DNAAF1: variants seen among roughly 807,000 people sequenced by gnomAD.
DNAAF1 encodes dynein axonemal assembly factor 1, also known as dynein assembly factor 1, axonemal.
In DNAAF1, 65 loss-of-function variants were observed where a neutral mutation model predicts 71.1. That is an observed-to-expected ratio of 0.91 (90% CI 0.75 to 1.12). DNAAF1 has a LOEUF of 1.12. Ranked by LOEUF, DNAAF1 falls within the 50% of genes most tolerant of loss-of-function variation. The pLI, the probability that DNAAF1 is intolerant of heterozygous loss-of-function variation, is 0.00. For missense variants in DNAAF1, 1,178 were observed against 899.8 expected (o/e 1.31, Z -3.96); for synonymous variants, 414 against 354.6 (o/e 1.17, Z -1.88).
chr16:84,171,327 C>A (rs1011748099), intron 8 of DNAAF1, among the ~76,000 whole-genome samples: 1 of 151,992 alleles, frequency 6.6e-6, no homozygotes, highest in Non-Finnish European at 1.5e-5. Context: ...TAGTGGTGAC[C>A]ACTTGTAGTC....
chr16:84,157,849 C>T (rs2087512762), intron 5 of DNAAF1, among the ~76,000 whole-genome samples: 1 of 152,138 alleles, frequency 6.6e-6, no homozygotes, highest in Non-Finnish European at 1.5e-5. Context: ...TATAATCCCC[C>T]CGTTTGTTCG....
chr16:84,172,603 A>G, intron 9 of DNAAF1: 3 of 1,361,862 alleles, frequency 2.2e-6, no homozygotes, highest in East Asian at 3.0e-5. Flanking sequence ...GTGCACATGC[A>G]TGCTCAAGTT....
intron 5 of DNAAF1, among the ~76,000 whole-genome samples, chr16:84,157,976 G>A (rs1277896844): frequency 2.0e-5 from 3 of 152,190 alleles, no homozygotes; most frequent in Non-Finnish European, 4.4e-5. Context: ...GGGAGGCCAA[G>A]GTGGGCAGAT....
chr16:84,151,373 G>A (rs1307755635), intron 3 of DNAAF1, among the ~76,000 whole-genome samples: 1 of 152,066 alleles, frequency 6.6e-6, no homozygotes, highest in Non-Finnish European at 1.5e-5. Flanking sequence ...ATGCCTTAAG[G>A]GGTTGGAACG....
intron 9 of DNAAF1, chr16:84,172,952 A>G: frequency 9.9e-7 from 1 of 1,007,036 alleles, no homozygotes; most frequent in South Asian, 4.2e-5. Context: ...ACAGTCTCAA[A>G]TGCTTAGGCC....
chr16:84,176,169 CCT>C lies in DNAAF1; in HGVS notation c.1936_1937del (p.Leu646AspfsTer46), dbSNP rs1375814883. On this transcript the variant is annotated frameshift_variant, in exon 11 of 12. Coordinates refer to ENST00000378553, the MANE Select transcript of DNAAF1 (RefSeq NM_178452.6). LOFTEE classifies it high-confidence loss of function. ...AACAAGACACCAAGTCCCCAAGACC[CCT>C]GATCCAGGAGCTCAGCGACGAGGAC... ...RKQDTKSPRP[L>X]IQELSDEDPS... is the part of the protein sequence containing the mutation. 2 of 1,614,116 alleles carry C rather than the reference CCT, an allele frequency of 1.2e-6. No individual in the cohort carries two copies. The highest frequency in any genetic ancestry group is 4.5e-5 in the East Asian group (2 of 44,882).
intron 10 of DNAAF1, 56 bp from the exon 11 acceptor site, chr16:84,175,877 A>C (rs2088623151): frequency 6.3e-7 from 1 of 1,596,696 alleles, no homozygotes; most frequent in East Asian, 2.2e-5. Context: ...GGTGCATTGT[A>C]GAGCGATTCT....
intron 5 of DNAAF1, among the ~76,000 whole-genome samples, chr16:84,158,453 C>T (rs2087545881): frequency 1.3e-5 from 2 of 152,152 alleles, no homozygotes. Flanking sequence ...CTCATTTCAA[C>T]TTCATCGTGG....
chr16:84,159,156 G>C, intron 5 of DNAAF1: 1 of 996,528 alleles, frequency 1.0e-6, no homozygotes, highest in African/African-American at 1.7e-5. Flanking sequence ...AAGTGACAGC[G>C]GGGAGAGCTG....
intron 11 of DNAAF1, 105 bp from the exon 12 acceptor site, chr16:84,177,624 C>A (rs538570219): frequency 2.2e-6 from 2 of 929,826 alleles, no homozygotes; most frequent in East Asian, 4.8e-5. Context: ...CCACCACGCC[C>A]AGTTGAGGAC....
chr16:84,166,691 A>G (rs2088024841), intron 7 of DNAAF1, among the ~76,000 whole-genome samples: 1 of 152,094 alleles, frequency 6.6e-6, no homozygotes, highest in Non-Finnish European at 1.5e-5. Flanking sequence ...TTTTAAAACC[A>G]TTTCCTCACA....
At chr16:84,152,326 A>AAG (rs1474728163) in intron 3 of DNAAF1, among the ~76,000 whole-genome samples, 4 of 152,316 alleles carry the variant, frequency 2.6e-5, no homozygotes, top group South Asian at 4.1e-4. Context: ...CAATGTAAGA[A>AAG]AGAGAGAGAG....
At chr16:84,159,055 G>A in intron 5 of DNAAF1, 2 of 988,262 alleles carry the variant, frequency 2.0e-6, no homozygotes, top group Middle Eastern at 1.0e-3. Context: ...ACTTCTTTGA[G>A]TTTCTTAAGG....
intron 11 of DNAAF1, chr16:84,176,639 C>A: frequency 2.5e-6 from 1 of 399,582 alleles, no homozygotes; most frequent in Non-Finnish European, 4.8e-6. Flanking sequence ...CCTCACCATC[C>A]CTGGCCTCAG....
intron 11 of DNAAF1, chr16:84,176,625 C>T (rs542529483): frequency 6.8e-5 from 29 of 424,510 alleles, no homozygotes; most frequent in South Asian, 1.3e-4. Context: ...CATTTCCACC[C>T]CCTCCTCACC....
chr16:84,166,061 T>TG (rs2087967702), intron 7 of DNAAF1, 112 bp downstream of exon 7: 1 of 1,021,234 alleles, frequency 9.8e-7, no homozygotes, highest in Non-Finnish European at 1.4e-6. Context: ...TTTTTTTTTT[T>TG]TTTAGACAGA....
chr16:84,172,186 C>A, intron 8 of DNAAF1, 74 bp from the exon 9 acceptor site: 1 of 1,427,262 alleles, frequency 7.0e-7, no homozygotes, highest in South Asian at 1.2e-5. Context: ...CCTTGGGAGC[C>A]CATCTTCACC....
chr16:84,159,564 T>C, intron 5 of DNAAF1, 111 bp from the exon 6 acceptor site: 2 of 1,448,822 alleles, frequency 1.4e-6, no homozygotes, highest in Non-Finnish European at 1.9e-6. Flanking sequence ...TTGGCACTTC[T>C]ATTTTGCTCA....
chr16:84,160,850 T>C (rs1181396076), intron 6 of DNAAF1, among the ~76,000 whole-genome samples: 3 of 147,196 alleles, frequency 2.0e-5, no homozygotes, highest in African/African-American at 7.6e-5. Flanking sequence ...AGGAGGAGAA[T>C]GGCATAAACC....
Sources: gnomAD v4.1 joint callset for allele counts (sites outside exome capture counted in the v4.1 genomes callset) on GRCh38, gnomAD v4.1.1 for gene constraint, MANE v1.5 for transcripts, NCBI Gene and HGNC (gene_info 2026-07-23, HGNC 2026-07-21) for gene names.